The following KCNN2 variants were observed in gnomAD, a reference collection of about 807,000 sequenced individuals.
KCNN2 encodes the protein potassium calcium-activated channel subfamily N member 2.
In KCNN2, 24 loss-of-function variants were observed where a neutral mutation model predicts 55.5. The observed-to-expected ratio is 0.43, with a 90% CI of 0.31 to 0.61. KCNN2 has a LOEUF of 0.61. Ranked by LOEUF, KCNN2 falls within the 20% of genes least tolerant of loss-of-function variation. The pLI is 0.08. For missense variants in KCNN2, 754 were observed against 853.6 expected, an observed-to-expected ratio of 0.88 and a Z score of 1.45; for synonymous variants, 431 against 336.1, an observed-to-expected ratio of 1.28 and a Z score of -3.09.
intron 1 of KCNN2, among the ~76,000 whole-genome samples, chr5:114,083,190 T>C (rs1750861827): frequency 6.6e-6 from 1 of 152,098 alleles, no homozygotes; most frequent in Non-Finnish European, 1.5e-5. Flanking sequence ...GTTCTTAGTC[T>C]ATCTAGAGGT....
chr5:114,162,803 G>T lies in KCNN2; in HGVS notation c.-270-58677G>T, dbSNP rs138936777. Among the ~76,000 whole-genome samples the T allele has an allele frequency of 5.3e-3, 801 of 152,298 alleles. 3 individuals are homozygous for T. Among genetic ancestry groups the T allele is most frequent in the African/African-American group, 0.018 (752 of 41,576 alleles). On this transcript the variant is annotated intron_variant, in intron 1 of 10. Coordinates refer to the KCNN2 transcript ENST00000512097. ...TTTGGGCACAGGACCCTCCGAGCCA[G>T]GTGTGGGATATAATCTCCTGGTGTG... is the stretch of plus-strand genomic sequence containing the variant.
chr5:114,143,956 G>C (rs546584529), intron 1 of KCNN2, among the ~76,000 whole-genome samples: 1 of 151,998 alleles, frequency 6.6e-6, no homozygotes, highest in Non-Finnish European at 1.5e-5. Flanking sequence ...AATTATACAC[G>C]AACAAAATTA....
chr5:114,263,755 C>T (rs531198291), intron 2 of KCNN2, among the ~76,000 whole-genome samples: 19 of 152,244 alleles, frequency 1.2e-4, no homozygotes, highest in African/African-American at 4.3e-4. Context: ...ATTAAGTGAT[C>T]GAATACTAAA....
At chr5:114,231,449 A>G (rs952047042) in intron 2 of KCNN2, among the ~76,000 whole-genome samples, 222 of 148,374 alleles carry the variant, frequency 1.5e-3, no homozygotes, top group Middle Eastern at 3.4e-3. Flanking sequence ...TCCATCTTGA[A>G]TTGATTTTTG....
intron 1 of KCNN2, among the ~76,000 whole-genome samples, chr5:114,363,552 T>C: frequency 6.6e-6 from 1 of 152,152 alleles, no homozygotes; most frequent in East Asian, 1.9e-4. Context: ...CTGTAATTCA[T>C]CCCCTCGTGA....
intron 1 of KCNN2, among the ~76,000 whole-genome samples, chr5:114,217,424 G>A (rs1467421627): frequency 6.6e-6 from 1 of 152,010 alleles, no homozygotes; most frequent in Non-Finnish European, 1.5e-5. Flanking sequence ...ATACCAGAAT[G>A]TCCAGGGGAA....
At chr5:114,296,078 G>A (rs1311917341) in intron 2 of KCNN2, among the ~76,000 whole-genome samples, 3 of 152,114 alleles carry the variant, frequency 2.0e-5, no homozygotes, top group Admixed American at 6.6e-5. Context: ...TAGATATACT[G>A]TACTCTATCC....
At chr5:114,232,281 A>G (rs1754378690) in intron 2 of KCNN2, among the ~76,000 whole-genome samples, 1 of 151,302 alleles carries the variant, frequency 6.6e-6, no homozygotes, top group Admixed American at 6.6e-5. Flanking sequence ...TATTTACTCC[A>G]CAATTTATAA....
chr5:114,335,066 G>T lies in KCNN2; in HGVS notation c.-184-25879G>T, dbSNP rs552866261. Among the ~76,000 whole-genome samples, 43 of 152,280 alleles carry T rather than the reference G, an allele frequency of 2.8e-4. 1 individual carries two copies. The South Asian group carries it at 8.5e-3, about 30-fold the overall frequency. On this transcript the variant is annotated intron_variant, in intron 2 of 10. Coordinates refer to the KCNN2 transcript ENST00000512097. Reference sequence around the variant, plus strand: ...AGCCTCCCGAGTAGCTGGGACTACAGGCGCCCGCCTCCACGCCCGGCTAAT... The same window carrying T: ...AGCCTCCCGAGTAGCTGGGACTACATGCGCCCGCCTCCACGCCCGGCTAAT...
intron 2 of KCNN2, among the ~76,000 whole-genome samples, chr5:114,260,271 T>A (rs1161428949): frequency 6.6e-6 from 1 of 152,172 alleles, no homozygotes; most frequent in African/African-American, 2.4e-5. Context: ...CAACTTCACA[T>A]CACACTTTGA....
intron 2 of KCNN2, among the ~76,000 whole-genome samples, chr5:114,341,371 G>C (rs1757012035): frequency 6.6e-6 from 1 of 152,148 alleles, no homozygotes; most frequent in Admixed American, 6.6e-5. Flanking sequence ...AAAAAGGATA[G>C]CATAGAAAGT....
In KCNN2 at chr5:114,465,973, C is replaced by T. The variant is rs114230245; in HGVS notation, c.1779+2783C>T. On this transcript the variant is annotated intron_variant, in intron 4 of 7. Coordinates refer to ENST00000673685, the MANE Select transcript of KCNN2 (RefSeq NM_021614.4). ...GGGATTCACTTCTGGCAGTTGATTA[C>T]ATCTTACATCAGCTCCTTAGGGATC... Among the ~76,000 whole-genome samples the T allele has an allele frequency of 2.2e-3, 328 of 152,290 alleles. 1 individual carries two copies. Among genetic ancestry groups the T allele is most frequent in the African/African-American group, 7.6e-3 (315 of 41,562 alleles).
rs192501948 is a variant in KCNN2 at position 114,169,050 on chromosome 5, T to C, written c.-270-52430T>C. Among the ~76,000 whole-genome samples, 14 of 152,188 alleles carry C rather than the reference T, an allele frequency of 9.2e-5. No homozygotes were observed. In the East Asian group the frequency reaches 1.4e-3, roughly 15 times the overall value. ...TTGAAAGTGTGTAGCATTTCCCCCT[T>C]TACTCTCTCTCCTTCTCTGTCATGG... On this transcript the variant is annotated intron_variant, in intron 1 of 10. Coordinates refer to the KCNN2 transcript ENST00000512097.
chr5:114,124,693 C>G (rs768119434), intron 1 of KCNN2, among the ~76,000 whole-genome samples: 1 of 152,188 alleles, frequency 6.6e-6, no homozygotes, highest in Non-Finnish European at 1.5e-5. Flanking sequence ...GGCACAATTG[C>G]TGTCTCCTCT....
intron 3 of KCNN2, among the ~76,000 whole-genome samples, chr5:114,420,132 T>A (rs1230687299): frequency 6.6e-6 from 1 of 152,250 alleles, no homozygotes; most frequent in Non-Finnish European, 1.5e-5. Flanking sequence ...CAACACTGAG[T>A]CATTAAGAAA....
intron 1 of KCNN2, among the ~76,000 whole-genome samples, chr5:114,157,204 G>A (rs994869174): frequency 7.3e-6 from 1 of 137,270 alleles, no homozygotes; most frequent in Non-Finnish European, 1.5e-5. Context: ...CCCTTCCTGT[G>A]TCCTTATGTT....
chr5:114,168,075 TG>T (rs1752952963), intron 1 of KCNN2, among the ~76,000 whole-genome samples: 1 of 152,050 alleles, frequency 6.6e-6, no homozygotes, highest in African/African-American at 2.4e-5. Flanking sequence ...CACTTGTTGA[TG>T]GGCTTTTGTG....
At chr5:114,095,340 C>A (rs1170263482) in intron 1 of KCNN2, among the ~76,000 whole-genome samples, 1 of 152,140 alleles carries the variant, frequency 6.6e-6, no homozygotes, top group Non-Finnish European at 1.5e-5. Flanking sequence ...AACTTCCCAA[C>A]AAGGCTTAGA....
At chr5:114,431,485 G>C (rs910771196) in intron 3 of KCNN2, among the ~76,000 whole-genome samples, 10 of 151,628 alleles carry the variant, frequency 6.6e-5, no homozygotes, top group African/African-American at 1.9e-4. Flanking sequence ...TCCTTCATTT[G>C]CTTGTCATGA....
Sources: allele counts gnomAD v4.1 joint callset (sites outside exome capture counted in the v4.1 genomes callset), GRCh38; gene constraint gnomAD v4.1.1; transcripts MANE v1.5; gene names NCBI Gene and HGNC (gene_info 2026-07-23, HGNC 2026-07-21).